Variants in ABCB11 observed in about 807,000 individuals in gnomAD.
ABCB11 encodes ATP binding cassette subfamily B member 11.
In ABCB11, 95 loss-of-function variants were observed where a neutral mutation model predicts 148.0. That is an observed-to-expected ratio of 0.64 (90% confidence interval 0.54 to 0.76). The LOEUF is 0.76. Among genes scored for constraint, ABCB11 ranks in the 30% least tolerant of loss-of-function variants. ABCB11 has a pLI of 0.00. For synonymous variants in ABCB11, 591 were observed against 555.4 expected, an observed-to-expected ratio of 1.06 and a Z score of -0.90; for missense variants, 1,523 against 1,617.8, an observed-to-expected ratio of 0.94 and a Z score of 1.01.
chr2:168,960,722 A>C (rs928840399), intron 18 of ABCB11, among the ~76,000 whole-genome samples: 2 of 151,696 alleles, frequency 1.3e-5, no homozygotes, highest in Non-Finnish European at 3.0e-5. Flanking sequence ...CTGTCCCTAA[A>C]TATTGGACTT....
rs72549396 is a variant in ABCB11 at position 168,930,808 on chromosome 2, G to A, written c.3268C>T (p.Arg1090Ter). The change falls in exon 25 of 28, where the codon CGA (arginine) becomes TGA (stop). Residue 1090 changes from arginine to a stop codon, truncating the protein, a stop_gained. Coordinates refer to ENST00000650372, the MANE Select transcript of ABCB11 (RefSeq NM_003742.4). LOFTEE classifies it high-confidence loss of function. ...CCATTCAGAACTTGCGAGTCAGGTC[G>A]AGAAGGATATGTAAATTTACAATCA... ...FVDCKFTYPS[R>*]PDSQVLNGLS... 7 of 1,612,464 alleles carry A rather than the reference G, an allele frequency of 4.3e-6. No individual in the cohort carries two copies. Among genetic ancestry groups the A allele is most frequent in the African/African-American group, 2.7e-5 (2 of 75,008 alleles).
intron 1 of ABCB11, among the ~76,000 whole-genome samples, chr2:169,029,664 T>C (rs955468984): frequency 6.6e-6 from 1 of 150,762 alleles, no homozygotes. Context: ...GAAAACAGAA[T>C]GTAACACCAA....
In ABCB11 at chr2:169,016,695, G is replaced by A. The variant is rs10199694; in HGVS notation, c.98+83C>T. 0.053 allele frequency: 59,203 copies of A among 1,116,910 alleles called. 2,851 individuals carry two copies. The highest frequency in any genetic ancestry group is 0.23 in the African/African-American group (14,560 of 64,700). 69.2% of individuals were successfully genotyped at this position (1,116,910 alleles called of 1,614,324 possible). A position where few individuals can be genotyped will look rare whatever the true frequency, so the allele number is the denominator to read the frequency against. ...TATATGAAGTGCAATGTGCATGAAA[G>A]TATTCTCTGCTTTGTGCCTTTGATA... On this transcript the variant is annotated intron_variant, in intron 3 of 27. Coordinates refer to ENST00000650372, the MANE Select transcript of ABCB11 (RefSeq NM_003742.4).
At chr2:168,969,578 A>C (rs1466939604) in intron 15 of ABCB11, 27 bp from the exon 16 acceptor site, 1 of 1,590,142 alleles carries the variant, frequency 6.3e-7, no homozygotes, top group Non-Finnish European at 8.6e-7. Flanking sequence ...TGCACCATTA[A>C]ACAAAACTGT....
chr2:168,973,102 G>A (rs553730525), intron 13 of ABCB11, among the ~76,000 whole-genome samples: 1 of 151,976 alleles, frequency 6.6e-6, no homozygotes, highest in East Asian at 1.9e-4. Context: ...TTAGTGTCTG[G>A]AGAACTTAAG....
At chr2:169,009,968 T>A (rs1164264218) in intron 5 of ABCB11, among the ~76,000 whole-genome samples, 2 of 152,078 alleles carry the variant, frequency 1.3e-5, no homozygotes, top group Non-Finnish European at 2.9e-5. Context: ...GAAATCCAAG[T>A]GAAAGGACAG....
rs1442999737 is a variant in ABCB11, at chr2:168,921,857, CTTTTTCT to C, written c.*1758_*1764del. On this transcript the variant is annotated 3_prime_UTR_variant, in exon 28 of 28. Coordinates refer to ENST00000650372, the MANE Select transcript of ABCB11 (RefSeq NM_003742.4). ...GGAGTCCTTGACCTCTTTTCTTTTT[CTTTTTCT>C]TTTTTTTTTTTTTTCGCTCTGTCGC... Among the ~76,000 whole-genome samples, 31 of 136,036 alleles carry C rather than the reference CTTTTTCT, an allele frequency of 2.3e-4. No homozygotes were observed. The highest frequency in any genetic ancestry group is 9.2e-4 in the African/African-American group (30 of 32,578). The allele number at this position is 136,036 out of a possible 152,430, so 89.2% of individuals were successfully genotyped here.
chr2:168,972,296 C>T (rs542266205), intron 13 of ABCB11, among the ~76,000 whole-genome samples: 25 of 150,920 alleles, frequency 1.7e-4, no homozygotes, highest in African/African-American at 5.4e-4. Context: ...AATTTAACAC[C>T]ATTGGCCCAG....
intron 15 of ABCB11, 88 bp from the exon 16 acceptor site, chr2:168,969,639 T>C (rs1299479164): frequency 1.7e-6 from 2 of 1,196,774 alleles, no homozygotes; most frequent in Admixed American, 2.2e-5. Context: ...CATAGGAAAG[T>C]TAGATCCTTG....
chr2:169,022,041 C>G (rs1695557690), intron 1 of ABCB11, among the ~76,000 whole-genome samples: 1 of 151,780 alleles, frequency 6.6e-6, no homozygotes, highest in Non-Finnish European at 1.5e-5. Flanking sequence ...AATACATATG[C>G]AGATAAATAT....
intron 26 of ABCB11, among the ~76,000 whole-genome samples, chr2:168,925,330 T>C (rs573792479): frequency 1.1e-4 from 16 of 152,220 alleles, no homozygotes; most frequent in Admixed American, 5.2e-4. Flanking sequence ...TGGCTAGGCA[T>C]CTGAGGTGCA....
chr2:168,930,007 T>C (rs1177098362), intron 25 of ABCB11, among the ~76,000 whole-genome samples: 3 of 152,172 alleles, frequency 2.0e-5, no homozygotes, highest in African/African-American at 7.2e-5. Flanking sequence ...AGTGGGAGTG[T>C]AAGCATAAAG....
chr2:168,998,444 A>T (rs1263151113), intron 5 of ABCB11, among the ~76,000 whole-genome samples: 1 of 152,016 alleles, frequency 6.6e-6, no homozygotes, highest in Non-Finnish European at 1.5e-5. Flanking sequence ...AGAAGAGAGG[A>T]TTTTGAATGT....
In ABCB11 at chr2:168,995,472, C is replaced by G; in HGVS notation, c.488G>C (p.Trp163Ser). The G allele has an allele frequency of 1.2e-6, 2 of 1,610,248 alleles. No individual in the cohort carries two copies. Among genetic ancestry groups the G allele is most frequent in the Middle Eastern group, 1.7e-4 (1 of 6,032 alleles). Residue 163 changes from tryptophan (W) to serine (S), a missense_variant, in exon 7 of 28, where the codon TGG (tryptophan) becomes TCG (serine). By Grantham distance (177) the Trp-to-Ser change is radical. Transcript: ENST00000650372. ...TATCTGACGAGCTGCGGCAATGACC[C>G]AAAAGCATATCTGGAAATGGACAAA... The part of the protein sequence containing the change: ...LITGYIQICF[W>S]VIAAARQIQK...
intron 3 of ABCB11, 142 bp from the exon 4 acceptor site, chr2:169,014,496 T>G: frequency 1.4e-6 from 1 of 728,472 alleles, no homozygotes; most frequent in South Asian, 1.7e-5. Flanking sequence ...ACCTAGTATC[T>G]TAAACACAAG....
intron 5 of ABCB11, among the ~76,000 whole-genome samples, chr2:168,997,081 C>T (rs1041315604): frequency 6.6e-6 from 1 of 151,966 alleles, no homozygotes; most frequent in Non-Finnish European, 1.5e-5. Flanking sequence ...ACTTTAGTCT[C>T]TTCCATGCAT....
At position 168,969,131 on chromosome 2, in the gene ABCB11, A is replaced by AG. The variant is rs35908291; in HGVS notation, c.2011+218dup. On this transcript the variant is annotated intron_variant, in intron 16 of 27. Coordinates refer to ENST00000650372, the MANE Select transcript of ABCB11 (RefSeq NM_003742.4). Reference sequence around the variant, plus strand: ...TGCGCAGGGTTAAAAAAAAAAAAAAAGGGGGGGATGGAATTGAAAGTTAGA... The same window carrying AG: ...TGCGCAGGGTTAAAAAAAAAAAAAAAGGGGGGGGATGGAATTGAAAGTTAGA... 2.7e-3 allele frequency among the ~76,000 whole-genome samples: 364 copies of AG among 132,736 alleles called. 3 individuals are homozygous for AG. The highest frequency in any genetic ancestry group is 0.013 in the East Asian group (62 of 4,656). 87.1% of individuals were successfully genotyped at this position (132,736 alleles called of 152,430 possible). A position where few individuals can be genotyped will look rare whatever the true frequency, so the allele number is the denominator to read the frequency against.
chr2:168,930,863 CT>C lies in ABCB11; in HGVS notation c.3214-2del, dbSNP rs1467386116. On this transcript the variant is annotated splice_acceptor_variant, in intron 24 of 27. Coordinates refer to ENST00000650372, the MANE Select transcript of ABCB11 (RefSeq NM_003742.4). LOFTEE classifies it high-confidence loss of function. ...AATCAATCTTCCCCTGGAAGTTGTCCTGTGGATGGGAGGATCAAAATTAGAG... is the reference window on the plus strand; with the variant it reads ...AATCAATCTTCCCCTGGAAGTTGTCCGTGGATGGGAGGATCAAAATTAGAG... 6.3e-7 allele frequency: 1 copy of C among 1,590,148 alleles called. No homozygotes were observed. Among genetic ancestry groups the C allele is most frequent in the South Asian group, 1.1e-5 (1 of 87,580 alleles).
intron 21 of ABCB11, among the ~76,000 whole-genome samples, chr2:168,942,446 C>T (rs1460248481): frequency 6.6e-6 from 1 of 151,004 alleles, no homozygotes; most frequent in African/African-American, 2.4e-5. Context: ...AATTAGTGTG[C>T]AGGGATTTGC....
Sources: gnomAD v4.1 joint callset for allele counts (sites outside exome capture counted in the v4.1 genomes callset) on GRCh38, gnomAD v4.1.1 for gene constraint, MANE v1.5 for transcripts, NCBI Gene and HGNC (gene_info 2026-07-23, HGNC 2026-07-21) for gene names.